The following ALPK1 variants were observed in gnomAD, a reference collection of about 807,000 sequenced individuals.
The protein encoded by ALPK1 is alpha kinase 1.
ALPK1 carries 110 observed loss-of-function variants against 120.6 expected under a neutral mutation model. The observed-to-expected ratio is 0.91, with a 90% CI of 0.78 to 1.07. The LOEUF (loss-of-function observed/expected upper bound fraction) is 1.07. ALPK1 is among the 50% of genes least tolerant of loss of function. The pLI is 0.00. For missense variants in ALPK1, 1,498 were observed against 1,483.9 expected (o/e 1.01, Z -0.16); for synonymous variants, 582 against 560.3 (o/e 1.04, Z -0.55).
chr4:112,324,448 TTTTGTTTG>T (rs551021178), intron 2 of ALPK1, among the ~76,000 whole-genome samples: 1 of 152,112 alleles, frequency 6.6e-6, no homozygotes, highest in Non-Finnish European at 1.5e-5. Flanking sequence ...GCCTGGCTTT[TTTTGTTTG>T]TTTGTTTGTT....
chr4:112,422,691 G>C (rs1432588219), intron 5 of ALPK1, among the ~76,000 whole-genome samples: 1 of 152,214 alleles, frequency 6.6e-6, no homozygotes, highest in African/African-American at 2.4e-5. Context: ...TTGTAGTTTG[G>C]GTGATTATTA....
chr4:112,325,507 A>G (rs1227021434), intron 2 of ALPK1, among the ~76,000 whole-genome samples: 1 of 152,244 alleles, frequency 6.6e-6, no homozygotes, highest in African/African-American at 2.4e-5. Context: ...TATTTAGGTC[A>G]TTCACATTCA....
At chr4:112,334,443 A>G (rs1036461862) in intron 2 of ALPK1, among the ~76,000 whole-genome samples, 2 of 151,514 alleles carry the variant, frequency 1.3e-5, no homozygotes, top group Admixed American at 6.6e-5. Flanking sequence ...AAAAAAAAAA[A>G]AAAAGAAAAG....
intron 5 of ALPK1, among the ~76,000 whole-genome samples, chr4:112,416,189 C>A (rs767319931): frequency 2.0e-5 from 3 of 152,114 alleles, no homozygotes; most frequent in Non-Finnish European, 4.4e-5. Context: ...GTTCTGTGAA[C>A]CTTGCTTGAC....
chr4:112,349,622 T>C (rs1159479784), intron 2 of ALPK1, among the ~76,000 whole-genome samples: 3 of 143,034 alleles, frequency 2.1e-5, no homozygotes, highest in African/African-American at 5.3e-5. Context: ...GGTGCAATCT[T>C]GGCTCACTGC....
chr4:112,358,070 G>T (rs550723896), intron 2 of ALPK1: 2 of 584,816 alleles, frequency 3.4e-6, no homozygotes, highest in East Asian at 4.1e-5. Context: ...TAGCCCCCAC[G>T]CATGGACCCC....
chr4:112,336,070 A>G (rs1407327887), intron 2 of ALPK1, among the ~76,000 whole-genome samples: 1 of 152,190 alleles, frequency 6.6e-6, no homozygotes, highest in South Asian at 2.1e-4. Context: ...GATTAAATCT[A>G]CTTTTGTTTA....
intron 3 of ALPK1, among the ~76,000 whole-genome samples, 170 bp downstream of exon 3, chr4:112,378,068 G>A (rs1731748122): frequency 6.6e-6 from 1 of 151,874 alleles, no homozygotes; most frequent in South Asian, 2.1e-4. Context: ...CGGGCGGACG[G>A]GCAGGGGAGG....
At chr4:112,307,462 T>C (rs970458907) in intron 1 of ALPK1, among the ~76,000 whole-genome samples, 1 of 152,130 alleles carries the variant, frequency 6.6e-6, no homozygotes, top group Non-Finnish European at 1.5e-5. Context: ...ATATTTAGGA[T>C]AGTTAGCTCT....
At chr4:112,401,369 G>C (rs924003364) in intron 4 of ALPK1, among the ~76,000 whole-genome samples, 7 of 152,174 alleles carry the variant, frequency 4.6e-5, no homozygotes, top group African/African-American at 1.4e-4. Flanking sequence ...AGAATTGTTG[G>C]ATTTGTGCTA....
At chr4:112,406,492 A>G (rs537199654) in intron 4 of ALPK1, among the ~76,000 whole-genome samples, 1 of 152,318 alleles carries the variant, frequency 6.6e-6, no homozygotes, top group East Asian at 1.9e-4. Flanking sequence ...TTGGCATGCT[A>G]AGTAGTTTGA....
chr4:112,310,258 A>T (rs929336593), intron 1 of ALPK1, among the ~76,000 whole-genome samples: 2 of 152,114 alleles, frequency 1.3e-5, no homozygotes, highest in African/African-American at 2.4e-5. Context: ...ACACTTGGAG[A>T]ACTGCATCTA....
intron 3 of ALPK1, among the ~76,000 whole-genome samples, chr4:112,381,527 A>G (rs1260913415): frequency 6.6e-6 from 1 of 152,206 alleles, no homozygotes; most frequent in Non-Finnish European, 1.5e-5. Flanking sequence ...CTGGCATCAC[A>G]TGTGTACTTC....
intron 2 of ALPK1, among the ~76,000 whole-genome samples, chr4:112,328,287 G>A (rs1345760782): frequency 6.6e-6 from 1 of 152,230 alleles, no homozygotes. Context: ...TGGTAGAAAC[G>A]TTTTGGCTCT....
chr4:112,357,611 T>A, intron 2 of ALPK1: 1 of 1,604,826 alleles, frequency 6.2e-7, no homozygotes, highest in Non-Finnish European at 8.5e-7. Context: ...CCTTTCCCAG[T>A]CTGCCTGGAG....
chr4:112,430,653 A>G lies in ALPK1; in HGVS notation c.1106A>G (p.His369Arg). 6.2e-7 allele frequency: 1 copy of G among 1,614,196 alleles called. No homozygotes were observed. Among genetic ancestry groups the G allele is most frequent in the Non-Finnish European group, 8.5e-7 (1 of 1,180,026 alleles). Reference protein sequence around the residue: ...FGLTTVHRRLHGETGTVHAAS... With the variant: ...FGLTTVHRRLRGETGTVHAAS... ...CTCACCACAGTGCACAGAAGGCTCC[A>G]TGGGGAGACAGGGACGGTCCATGCA... Residue 369 changes from histidine (H) to arginine (R), a missense_variant, in exon 11 of 16, where the codon CAT (histidine) becomes CGT (arginine). Transcript: ENST00000650871.
intron 4 of ALPK1, chr4:112,384,276 TG>T (rs1732053271): frequency 6.6e-6 from 1 of 152,116 alleles, no homozygotes; most frequent in South Asian, 2.1e-4. Context: ...GTAGAAGCCA[TG>T]AGGTTTACTT....
chr4:112,342,662 A>G (rs1477037196), intron 2 of ALPK1, among the ~76,000 whole-genome samples: 1 of 152,258 alleles, frequency 6.6e-6, no homozygotes, highest in African/African-American at 2.4e-5. Flanking sequence ...TTAGAGGTCT[A>G]GGACTCTATC....
intron 3 of ALPK1, among the ~76,000 whole-genome samples, chr4:112,378,861 A>C (rs1731779374): frequency 6.6e-6 from 1 of 152,192 alleles, no homozygotes; most frequent in Non-Finnish European, 1.5e-5. Context: ...AATTATTTGT[A>C]ACCTGTCATT....
Sources: gnomAD v4.1 joint callset for allele counts (sites outside exome capture counted in the v4.1 genomes callset) on GRCh38, gnomAD v4.1.1 for gene constraint, MANE v1.5 for transcripts, NCBI Gene and HGNC (gene_info 2026-07-23, HGNC 2026-07-21) for gene names.